Variants in CHD6 observed in about 807,000 individuals in gnomAD.
The protein encoded by CHD6 is chromodomain helicase DNA binding protein 6, also known as ATP-dependent chromatin remodeler CHD6.
Under a neutral mutation model 276.9 loss-of-function variants are expected in CHD6, and 50 were observed. The observed-to-expected ratio is 0.18, with a 90% CI of 0.14 to 0.23. CHD6 has a LOEUF of 0.23. Among genes scored for constraint, CHD6 ranks in the 10% least tolerant of loss-of-function variants. The probability of loss-of-function intolerance (pLI) is 1.00; values close to 1 mark genes in which losing one functional copy is unlikely to be tolerated. For missense variants in CHD6, 2,564 were observed against 3,365.8 expected (o/e 0.76, Z 5.89); for synonymous variants, 1,173 against 1,229.3 (o/e 0.95, Z 0.96).
At chr20:41,611,019 A>T (rs1006398859) in intron 1 of CHD6, among the ~76,000 whole-genome samples, 1 of 152,234 alleles carries the variant, frequency 6.6e-6, no homozygotes, top group Non-Finnish European at 1.5e-5. Flanking sequence ...AGGAAGGGTC[A>T]TAAGTCCCCG....
At chr20:41,489,627 G>C in intron 12 of CHD6, 151 bp downstream of exon 12, 1 of 945,188 alleles carries the variant, frequency 1.1e-6, no homozygotes, top group Non-Finnish European at 1.6e-6. Flanking sequence ...CGAGCTACCA[G>C]GGAGAGCAGG....
At chr20:41,586,074 G>A (rs1244051737) in intron 1 of CHD6, among the ~76,000 whole-genome samples, 1 of 152,206 alleles carries the variant, frequency 6.6e-6, no homozygotes, top group Non-Finnish European at 1.5e-5. Flanking sequence ...GAGCACAGGA[G>A]GAGGGACAAT....
At chr20:41,523,908 T>C (rs16985879) in intron 3 of CHD6, among the ~76,000 whole-genome samples, 10,981 of 152,252 alleles carry the variant, frequency 0.072, 774 homozygotes, top group East Asian at 0.32. Flanking sequence ...CTAAGATGCA[T>C]TAATTCAAAA....
At chr20:41,566,946 C>T (rs1014401542) in intron 1 of CHD6, among the ~76,000 whole-genome samples, 1 of 152,166 alleles carries the variant, frequency 6.6e-6, no homozygotes, top group African/African-American at 2.4e-5. Flanking sequence ...GAGGGCCCAA[C>T]CGTGACCAAG....
chr20:41,550,516 C>T (rs2045129116), intron 2 of CHD6, among the ~76,000 whole-genome samples: 1 of 152,124 alleles, frequency 6.6e-6, no homozygotes, highest in African/African-American at 2.4e-5. Context: ...TATTATTAGA[C>T]TAGAGTTCCC....
chr20:41,495,358 C>T (rs2043658293), intron 8 of CHD6, among the ~76,000 whole-genome samples: 1 of 152,094 alleles, frequency 6.6e-6, no homozygotes, highest in Non-Finnish European at 1.5e-5. Flanking sequence ...AAGCCTGACA[C>T]ACAAAGACAA....
At chr20:41,453,229 C>T (rs142754398) in intron 20 of CHD6, among the ~76,000 whole-genome samples, 2 of 152,158 alleles carry the variant, frequency 1.3e-5, no homozygotes, top group African/African-American at 2.4e-5. Flanking sequence ...CAAGGCCCCC[C>T]CCCAGTGACC....
At chr20:41,490,974 G>C (rs963527169) in intron 11 of CHD6, among the ~76,000 whole-genome samples, 5 of 151,918 alleles carry the variant, frequency 3.3e-5, no homozygotes, top group Admixed American at 6.6e-5. Context: ...AAACAAAAAA[G>C]GTATACCTAT....
chr20:41,442,378 G>C (rs867656078), intron 25 of CHD6, among the ~76,000 whole-genome samples: 35 of 152,118 alleles, frequency 2.3e-4, no homozygotes, highest in African/African-American at 8.4e-4. Context: ...CCTGAACCTG[G>C]GAGTTCAAGG....
intron 1 of CHD6, among the ~76,000 whole-genome samples, chr20:41,604,982 C>G (rs1385876094): frequency 6.6e-6 from 1 of 152,108 alleles, no homozygotes; most frequent in Non-Finnish European, 1.5e-5. Context: ...TTAAAAAGGA[C>G]TGCATATTGG....
At chr20:41,475,510 G>T (rs2043148811) in intron 16 of CHD6, among the ~76,000 whole-genome samples, 1 of 152,156 alleles carries the variant, frequency 6.6e-6, no homozygotes, top group African/African-American at 2.4e-5. Context: ...GATGGAAACA[G>T]AAACTATAAC....
chr20:41,597,359 C>T (rs530248966), intron 1 of CHD6, among the ~76,000 whole-genome samples: 1 of 152,266 alleles, frequency 6.6e-6, no homozygotes, highest in Non-Finnish European at 1.5e-5. Context: ...ACGGACCTCC[C>T]GACATTTGAG....
intron 17 of CHD6, among the ~76,000 whole-genome samples, chr20:41,468,223 C>A (rs2042972920): frequency 1.3e-5 from 2 of 151,846 alleles, no homozygotes; most frequent in South Asian, 4.2e-4. Flanking sequence ...GATTCTCCTG[C>A]CTCAGCCTCC....
intron 10 of CHD6, among the ~76,000 whole-genome samples, chr20:41,492,874 T>C (rs1004494759): frequency 2.0e-5 from 3 of 152,186 alleles, no homozygotes; most frequent in African/African-American, 7.2e-5. Flanking sequence ...TGAGCTGAGA[T>C]TGTGCCACTG....
At chr20:41,538,978 T>C (rs1476072253) in intron 2 of CHD6, among the ~76,000 whole-genome samples, 1 of 152,146 alleles carries the variant, frequency 6.6e-6, no homozygotes, top group Admixed American at 6.5e-5. Context: ...CCTACGTGTC[T>C]TGCTCCACTG....
At chr20:41,581,376 AAAT>A (rs1294870740) in intron 1 of CHD6, among the ~76,000 whole-genome samples, 3 of 152,148 alleles carry the variant, frequency 2.0e-5, no homozygotes, top group Non-Finnish European at 4.4e-5. Flanking sequence ...TGCCATAATG[AAAT>A]AATATCACCA....
rs547935322 is a variant in CHD6 at position 41,548,258 on chromosome 20, C to T, written c.33+3047G>A. Among the ~76,000 whole-genome samples the T allele has an allele frequency of 5.0e-4, 76 of 152,282 alleles. 1 individual carries two copies. The highest frequency in any genetic ancestry group is 1.6e-3 in the African/African-American group (67 of 41,558). ...CACTTCTGTAACCTGCTTCTCTATCCTATCTAATATTAACTTTTAAATGAA... is the reference window on the plus strand; with the variant it reads ...CACTTCTGTAACCTGCTTCTCTATCTTATCTAATATTAACTTTTAAATGAA... On this transcript the variant is annotated intron_variant, in intron 2 of 36. Transcript: ENST00000373233.
Position 41,514,876 on chromosome 20 carries a change from C to G in CHD6, c.631G>C (p.Glu211Gln). The G allele has an allele frequency of 6.2e-7, 1 of 1,614,060 alleles. No homozygotes were observed. Among genetic ancestry groups the G allele is most frequent in the South Asian group, 1.1e-5 (1 of 91,084 alleles). The change falls in exon 4 of 37, where the codon GAG becomes CAG. Residue 211 changes from glutamate (E) to glutamine (Q), a missense_variant. Physicochemically the swap from Glu to Gln is conservative, Grantham distance 29. Coordinates refer to ENST00000373233, the MANE Select transcript of CHD6 (RefSeq NM_032221.5). ...GGGTTCGTCAGGCCCTGATCCAGCT[C>G]TAAACTCTCCACTGTAGTTTCACTT... ...RKSETTVESL[E>Q]LDQGLTNPSL...
chr20:41,469,673 A>C (rs1321368189), intron 17 of CHD6, among the ~76,000 whole-genome samples: 2 of 152,220 alleles, frequency 1.3e-5, no homozygotes, highest in Non-Finnish European at 2.9e-5. Context: ...TGATGGTGAG[A>C]AAAGGCAAAC....
Sources: gnomAD v4.1 joint callset for allele counts (sites outside exome capture counted in the v4.1 genomes callset) on GRCh38, gnomAD v4.1.1 for gene constraint, MANE v1.5 for transcripts, NCBI Gene and HGNC (gene_info 2026-07-23, HGNC 2026-07-21) for gene names.